The following CNTN5 variants were observed in gnomAD, a reference collection of about 807,000 sequenced individuals.
The protein encoded by CNTN5 is contactin 5.
A neutral mutation model predicts 129.1 loss-of-function variants in CNTN5; 77 were observed. The ratio of observed to expected loss-of-function variants is 0.60; its 90% CI spans 0.50 to 0.72. The LOEUF is 0.72. CNTN5 is among the 30% of genes least tolerant of loss of function. CNTN5 has a pLI of 0.00. For missense variants in CNTN5, 1,478 were observed against 1,328.8 expected (o/e 1.11, Z -1.75); for synonymous variants, 509 against 465.6 (o/e 1.09, Z -1.20).
chr11:99,655,526 A>G (rs1952322520), intron 3 of CNTN5, among the ~76,000 whole-genome samples: 1 of 152,132 alleles, frequency 6.6e-6, no homozygotes, highest in Non-Finnish European at 1.5e-5. Context: ...TCCTAGGTCC[A>G]TAGTCTTTTC....
intron 3 of CNTN5, among the ~76,000 whole-genome samples, chr11:99,776,907 G>C (rs1179614702): frequency 6.6e-6 from 1 of 151,800 alleles, no homozygotes; most frequent in Non-Finnish European, 1.5e-5. Context: ...ACCAGCCCCA[G>C]CTCCAATGTG....
intron 13 of CNTN5, among the ~76,000 whole-genome samples, chr11:100,133,105 TCAAAA>T (rs1291610995): frequency 6.6e-6 from 1 of 152,134 alleles, no homozygotes; most frequent in African/African-American, 2.4e-5. Context: ...GGTAATTTTC[TCAAAA>T]ATGACCACAT....
chr11:99,914,066 T>C (rs1226858839), intron 6 of CNTN5, among the ~76,000 whole-genome samples: 1 of 152,036 alleles, frequency 6.6e-6, no homozygotes, highest in Non-Finnish European at 1.5e-5. Context: ...CGAGACTCTG[T>C]CTCTACGAAG....
intron 2 of CNTN5, among the ~76,000 whole-genome samples, chr11:99,439,371 G>A (rs577038253): frequency 2.6e-5 from 4 of 151,686 alleles, no homozygotes; most frequent in African/African-American, 7.3e-5. Flanking sequence ...AAAAAATAAC[G>A]TTAAAAATAA....
intron 2 of CNTN5, among the ~76,000 whole-genome samples, chr11:99,486,239 T>G (rs537828876): frequency 5.8e-4 from 88 of 152,212 alleles, no homozygotes; most frequent in African/African-American, 1.9e-3. Context: ...ATATCAACTT[T>G]TAATAAACTA....
intron 7 of CNTN5, among the ~76,000 whole-genome samples, 169 bp from the exon 8 acceptor site, chr11:99,956,637 C>A (rs78556096): frequency 6.6e-6 from 1 of 152,152 alleles, no homozygotes; most frequent in African/African-American, 2.4e-5. Context: ...TCACCGTAGT[C>A]ATTAACAATA....
At chr11:99,671,402 A>G (rs943138428) in intron 3 of CNTN5, among the ~76,000 whole-genome samples, 1 of 152,192 alleles carries the variant, frequency 6.6e-6, no homozygotes, top group Non-Finnish European at 1.5e-5. Flanking sequence ...AACATACATA[A>G]GCACTCTAAG....
intron 13 of CNTN5, among the ~76,000 whole-genome samples, chr11:100,165,389 G>A (rs1036089903): frequency 2.0e-5 from 3 of 151,636 alleles, no homozygotes; most frequent in African/African-American, 7.3e-5. Context: ...ACTGAGCAAA[G>A]AAATGAATAA....
At chr11:100,025,979 G>C (rs1310690033) in intron 9 of CNTN5, among the ~76,000 whole-genome samples, 1 of 152,164 alleles carries the variant, frequency 6.6e-6, no homozygotes, top group Admixed American at 6.5e-5. Flanking sequence ...GTGAAGGCAT[G>C]ACTGCTTTTG....
chr11:99,225,663 G>A (rs1397369955), intron 1 of CNTN5, among the ~76,000 whole-genome samples: 3 of 152,088 alleles, frequency 2.0e-5, no homozygotes, highest in Non-Finnish European at 4.4e-5. Flanking sequence ...CAGTGTTGAT[G>A]TGGTGTTCTG....
In CNTN5 at chr11:99,780,313, G is replaced by A. The variant is rs1333765304; in HGVS notation, c.56-39231G>A. ...ATTATCAATGCTGAAGAAGATCAGG[G>A]TAAGAGGAGAATATGGCTAATACAA... On this transcript the variant is annotated intron_variant, in intron 3 of 24. Coordinates refer to ENST00000524871, the MANE Select transcript of CNTN5 (RefSeq NM_014361.4). 2.0e-5 allele frequency among the ~76,000 whole-genome samples: 3 copies of A among 152,030 alleles called. 1 individual carries two copies. In the East Asian group the frequency reaches 5.8e-4, roughly 29 times the overall value.
intron 16 of CNTN5, among the ~76,000 whole-genome samples, chr11:100,254,844 A>G (rs1950035026): frequency 6.6e-6 from 1 of 152,220 alleles, no homozygotes; most frequent in African/African-American, 2.4e-5. Flanking sequence ...ATTCAAAATA[A>G]AACATTATTG....
chr11:100,017,707 A>T (rs1940904604), intron 9 of CNTN5, among the ~76,000 whole-genome samples: 2 of 152,016 alleles, frequency 1.3e-5, no homozygotes, highest in Non-Finnish European at 1.5e-5. Context: ...ACATATTTTC[A>T]TTTTATAAAA....
At chr11:99,706,555 A>G (rs1399714537) in intron 3 of CNTN5, among the ~76,000 whole-genome samples, 1 of 151,430 alleles carries the variant, frequency 6.6e-6, no homozygotes, top group Non-Finnish European at 1.5e-5. Flanking sequence ...ACAAAATAAG[A>G]CCAATTCCCT....
chr11:100,299,596 T>C (rs1457047075), intron 20 of CNTN5, among the ~76,000 whole-genome samples, 200 bp downstream of exon 20: 1 of 151,364 alleles, frequency 6.6e-6, no homozygotes, highest in East Asian at 1.9e-4. Flanking sequence ...CATATGTTGC[T>C]TTAAGTTTTT....
chr11:99,204,774 A>G (rs1025886080), intron 1 of CNTN5, among the ~76,000 whole-genome samples: 9 of 152,210 alleles, frequency 5.9e-5, no homozygotes, highest in African/African-American at 2.2e-4. Context: ...CTGCAACAGC[A>G]TGAATATAGT....
intron 3 of CNTN5, among the ~76,000 whole-genome samples, chr11:99,760,479 AC>A (rs1944542180): frequency 6.6e-6 from 1 of 152,122 alleles, no homozygotes; most frequent in Admixed American, 6.6e-5. Flanking sequence ...ATGGAATCAT[AC>A]ACTTTGGGTG....
chr11:99,722,862 T>A (rs755098313), intron 3 of CNTN5, among the ~76,000 whole-genome samples: 1 of 152,016 alleles, frequency 6.6e-6, no homozygotes, highest in Non-Finnish European at 1.5e-5. Context: ...ATATACATAA[T>A]GTATACCTCA....
chr11:99,026,652 G>A (rs577885442), intron 1 of CNTN5, among the ~76,000 whole-genome samples: 1 of 151,432 alleles, frequency 6.6e-6, no homozygotes, highest in African/African-American at 2.4e-5. Context: ...ATATTGGAAG[G>A]GGCCATGCGA....
Sources: gnomAD v4.1 joint callset for allele counts (sites outside exome capture counted in the v4.1 genomes callset) on GRCh38, gnomAD v4.1.1 for gene constraint, MANE v1.5 for transcripts, NCBI Gene and HGNC (gene_info 2026-07-23, HGNC 2026-07-21) for gene names.